The following TBC1D5 variants were observed in gnomAD, a reference collection of about 807,000 sequenced individuals.
TBC1D5 encodes TBC1 domain family member 5.
In TBC1D5, 75 loss-of-function variants were observed where a neutral mutation model predicts 100.3. The ratio of observed to expected loss-of-function variants is 0.75; its 90% CI spans 0.62 to 0.91. The LOEUF is 0.91. TBC1D5 is among the 40% of genes least tolerant of loss of function. The pLI is 0.00. For synonymous variants in TBC1D5, 323 were observed against 325.6 expected (o/e 0.99, Z 0.09); for missense variants, 910 against 942.4 (o/e 0.97, Z 0.45).
intron 21 of TBC1D5, among the ~76,000 whole-genome samples, chr3:17,164,053 G>A (rs1054316427): frequency 2.0e-5 from 3 of 152,202 alleles, no homozygotes; most frequent in Non-Finnish European, 4.4e-5. Context: ...GATAGATGCT[G>A]AGAAGGGAGG....
intron 3 of TBC1D5, among the ~76,000 whole-genome samples, chr3:17,487,133 C>T (rs1007011146): frequency 1.3e-4 from 20 of 152,156 alleles, no homozygotes; most frequent in Admixed American, 1.3e-3. Context: ...CTACACCAAT[C>T]TGTTTATTTA....
chr3:17,547,449 A>ATGC (rs1418781331), intron 2 of TBC1D5, among the ~76,000 whole-genome samples: 6 of 152,184 alleles, frequency 3.9e-5, no homozygotes, highest in African/African-American at 1.4e-4. Context: ...CATCTCAGAG[A>ATGC]ATAACTAGCA....
chr3:17,691,909 C>T (rs986297936), intron 1 of TBC1D5, among the ~76,000 whole-genome samples: 8 of 150,644 alleles, frequency 5.3e-5, no homozygotes, highest in Non-Finnish European at 8.9e-5. Context: ...GATATACTAC[C>T]GAAGTAGAAA....
chr3:17,398,905 T>A (rs1446650679), intron 8 of TBC1D5, among the ~76,000 whole-genome samples: 1 of 152,036 alleles, frequency 6.6e-6, no homozygotes, highest in Non-Finnish European at 1.5e-5. Flanking sequence ...TAAATAATAT[T>A]AAAAAGTTAT....
intron 1 of TBC1D5, among the ~76,000 whole-genome samples, chr3:17,709,264 T>TA (rs943046710): frequency 7.9e-5 from 12 of 152,200 alleles, no homozygotes; most frequent in African/African-American, 2.9e-4. Flanking sequence ...TGCTGGCCTG[T>TA]ACATGTAAAG....
In TBC1D5 at chr3:17,548,482, A is replaced by G. The variant is rs563066269; in HGVS notation, c.-35-39877T>C. ...TAAAAGGAAAAATACAGGGCGGGGG[A>G]AAAAAAAACCTTTGTGCATCTTCTA... is the stretch of plus-strand genomic sequence containing the variant. On this transcript the variant is annotated intron_variant, in intron 2 of 21. Transcript: ENST00000253692. Among the ~76,000 whole-genome samples the G allele has an allele frequency of 5.0e-4, 76 of 150,748 alleles. 1 individual carries two copies. The South Asian group carries it at 0.015, about 29-fold the overall frequency.
rs562634289 is a variant in TBC1D5 at position 17,161,321 on chromosome 3, G to T, written c.2095-65C>A. 9.2e-6 allele frequency: 14 copies of T among 1,521,198 alleles called. No homozygotes were observed. In the East Asian group the frequency reaches 1.6e-4, roughly 17 times the overall value. The allele number at this position is 1,521,198 out of a possible 1,614,324, so 94.2% of individuals were successfully genotyped here. A position where few individuals can be genotyped will look rare whatever the true frequency, so the allele number is the denominator to read the frequency against. On this transcript the variant is annotated intron_variant, in intron 21 of 21. Coordinates refer to ENST00000253692, the Ensembl canonical transcript of TBC1D5. ...AAACTGGCAAAGAACTGAGTGGAAG[G>T]CCCTGTGAACTGGGGGACTCGTGGT...
intron 16 of TBC1D5, among the ~76,000 whole-genome samples, chr3:17,244,400 C>T (rs1439832767): frequency 6.6e-6 from 1 of 152,148 alleles, no homozygotes; most frequent in Admixed American, 6.5e-5. Context: ...AGTCAAACCC[C>T]ATCTCCAAAT....
intron 3 of TBC1D5, among the ~76,000 whole-genome samples, chr3:17,442,952 G>A: frequency 6.6e-6 from 1 of 151,760 alleles, no homozygotes; most frequent in East Asian, 1.9e-4. Context: ...AGGAAGGGAA[G>A]GGGAGGAAAG....
At chr3:17,207,600 T>A (rs768627817) in intron 18 of TBC1D5, among the ~76,000 whole-genome samples, 1 of 152,230 alleles carries the variant, frequency 6.6e-6, no homozygotes, top group Non-Finnish European at 1.5e-5. Flanking sequence ...ATCATGGGCA[T>A]TAACAGGAAT....
chr3:17,553,146 G>A (rs577748577), intron 2 of TBC1D5, among the ~76,000 whole-genome samples: 1 of 152,268 alleles, frequency 6.6e-6, no homozygotes, highest in East Asian at 1.9e-4. Flanking sequence ...GGGTAAGAAA[G>A]AGAGGGAATG....
intron 2 of TBC1D5, among the ~76,000 whole-genome samples, chr3:17,616,660 T>C (rs1360033516): frequency 6.6e-6 from 1 of 152,200 alleles, no homozygotes; most frequent in African/African-American, 2.4e-5. Flanking sequence ...CTTTGTCTCT[T>C]TGGATCTTTA....
At chr3:17,557,281 G>GAA (rs1560155570) in intron 2 of TBC1D5, among the ~76,000 whole-genome samples, 1 of 151,786 alleles carries the variant, frequency 6.6e-6, no homozygotes, top group Non-Finnish European at 1.5e-5. Flanking sequence ...TCCTATGGGA[G>GAA]AAAAAAAACC....
chr3:17,256,653 C>T (rs1337929984), intron 16 of TBC1D5, among the ~76,000 whole-genome samples: 1 of 152,100 alleles, frequency 6.6e-6, no homozygotes, highest in African/African-American at 2.4e-5. Context: ...TGAGTGCCTT[C>T]CCTATACCAG....
chr3:17,589,342 C>T (rs934118140), intron 2 of TBC1D5, among the ~76,000 whole-genome samples: 1 of 152,154 alleles, frequency 6.6e-6, no homozygotes, highest in Non-Finnish European at 1.5e-5. Flanking sequence ...TACTAGCACA[C>T]TTTATGGTAT....
intron 2 of TBC1D5, among the ~76,000 whole-genome samples, chr3:17,564,277 G>A (rs926378737): frequency 2.6e-5 from 4 of 151,978 alleles, no homozygotes; most frequent in Admixed American, 1.3e-4. Context: ...ACTTTACAGG[G>A]CTCCTCACAG....
chr3:17,670,614 AATG>A (rs1182316178), intron 1 of TBC1D5, among the ~76,000 whole-genome samples: 7 of 152,326 alleles, frequency 4.6e-5, no homozygotes, highest in Middle Eastern at 3.4e-3. Context: ...TTGGTACCAA[AATG>A]ATGATTTGAT....
At chr3:17,224,418 T>A (rs1486520712) in intron 17 of TBC1D5, among the ~76,000 whole-genome samples, 1 of 152,222 alleles carries the variant, frequency 6.6e-6, no homozygotes, top group African/African-American at 2.4e-5. Context: ...ATTTTAATAA[T>A]CTATTATCAG....
chr3:17,638,534 C>T (rs1265840295), intron 1 of TBC1D5, among the ~76,000 whole-genome samples: 1 of 152,034 alleles, frequency 6.6e-6, no homozygotes, highest in Non-Finnish European at 1.5e-5. Context: ...GAAAAAATTG[C>T]CCTGTGACTA....
Sources: allele counts gnomAD v4.1 joint callset (sites outside exome capture counted in the v4.1 genomes callset), GRCh38; gene constraint gnomAD v4.1.1; transcripts MANE v1.5; gene names NCBI Gene and HGNC (gene_info 2026-07-23, HGNC 2026-07-21).